Variants in VWA8 observed in about 807,000 individuals in gnomAD.
The protein encoded by VWA8 is von Willebrand factor A domain containing 8.
A neutral mutation model predicts 241.5 loss-of-function variants in VWA8; 221 were observed. The ratio of observed to expected loss-of-function variants is 0.91; its 90% confidence interval spans 0.82 to 1.02. VWA8 has a LOEUF of 1.02. Among genes scored for constraint, VWA8 ranks in the 50% least tolerant of loss-of-function variants. VWA8 has a pLI of 0.00. For synonymous variants in VWA8, 852 were observed against 827.1 expected, an observed-to-expected ratio of 1.03 and a Z score of -0.52; for missense variants, 2,322 against 2,328.7, an observed-to-expected ratio of 1.00 and a Z score of 0.06.
chr13:41,690,947 AT>A (rs1366886451), intron 32 of VWA8, among the ~76,000 whole-genome samples: 3 of 152,164 alleles, frequency 2.0e-5, no homozygotes, highest in African/African-American at 7.2e-5. Flanking sequence ...AACTCTGTGA[AT>A]TTACAAAGAG....
rs905806466 is a variant in VWA8 at position 41,819,100 on chromosome 13, T to C, written c.1869+118A>G. On this transcript the variant is annotated intron_variant, in intron 15 of 44. Transcript: ENST00000379310. ...ACCTTCACCACTGTATGAAGAAATT[T>C]GGGAGTAAATGGGAAGAAAAAACTA... The C allele has an allele frequency of 6.0e-6, 6 of 1,003,252 alleles. No homozygotes were observed. The African/African-American group carries it at 8.3e-5, about 14-fold the overall frequency. 62.1% of individuals were successfully genotyped at this position (1,003,252 alleles called of 1,614,324 possible). A position where few individuals can be genotyped will look rare whatever the true frequency, so the allele number is the denominator to read the frequency against.
At chr13:41,728,173 A>G (rs2045452184) in intron 23 of VWA8, among the ~76,000 whole-genome samples, 1 of 152,064 alleles carries the variant, frequency 6.6e-6, no homozygotes, top group Non-Finnish European at 1.5e-5. Context: ...GATACCAAAA[A>G]GTAATCTTTC....
chr13:41,873,476 A>G (rs1873741673), intron 9 of VWA8, among the ~76,000 whole-genome samples: 1 of 152,160 alleles, frequency 6.6e-6, no homozygotes. Flanking sequence ...AATCAAATAG[A>G]CACAATAAAA....
intron 12 of VWA8, among the ~76,000 whole-genome samples, chr13:41,858,647 T>C (rs1025067238): frequency 2.0e-5 from 3 of 151,458 alleles, no homozygotes; most frequent in Non-Finnish European, 2.9e-5. Context: ...AAAGAAGATA[T>C]GAGACAGAAG....
chr13:41,637,896 G>C (rs2044769676), intron 37 of VWA8, among the ~76,000 whole-genome samples: 1 of 152,162 alleles, frequency 6.6e-6, no homozygotes, highest in Non-Finnish European at 1.5e-5. Flanking sequence ...CAAAGAAGCA[G>C]TATCATGCAT....
intron 37 of VWA8, among the ~76,000 whole-genome samples, chr13:41,642,507 C>T (rs10400616): frequency 0.035 from 4,853 of 139,404 alleles, 270 homozygotes; most frequent in African/African-American, 0.12. Context: ...TACAGTGAGC[C>T]GAGATGGCGC....
intron 6 of VWA8, among the ~76,000 whole-genome samples, 174 bp downstream of exon 6, chr13:41,887,023 C>T (rs1021330767): frequency 6.6e-6 from 1 of 152,084 alleles, no homozygotes; most frequent in Non-Finnish European, 1.5e-5. Context: ...CAAATAATGC[C>T]ATAATAATTT....
At chr13:41,882,559 C>T (rs1446149065) in intron 9 of VWA8, among the ~76,000 whole-genome samples, 3 of 152,260 alleles carry the variant, frequency 2.0e-5, no homozygotes, top group Non-Finnish European at 2.9e-5. Context: ...CCCAGCACCC[C>T]GGGAGGCCAA....
intron 42 of VWA8, among the ~76,000 whole-genome samples, chr13:41,577,603 A>G (rs772581849): frequency 1.3e-5 from 2 of 152,208 alleles, no homozygotes; most frequent in East Asian, 3.9e-4. Context: ...GACTGATTTG[A>G]CAACGGTCAT....
intron 9 of VWA8, among the ~76,000 whole-genome samples, chr13:41,874,339 A>G (rs1873795422): frequency 6.6e-6 from 1 of 151,648 alleles, no homozygotes; most frequent in Non-Finnish European, 1.5e-5. Context: ...GGCCAGGGCA[A>G]TTAGGCAGGA....
At chr13:41,786,739 T>G (rs971639985) in intron 18 of VWA8, among the ~76,000 whole-genome samples, 2 of 152,124 alleles carry the variant, frequency 1.3e-5, no homozygotes, top group Admixed American at 6.6e-5. Flanking sequence ...TAAAAGCATC[T>G]GCTACAAAGA....
intron 40 of VWA8, among the ~76,000 whole-genome samples, chr13:41,597,999 C>T (rs1425269835): frequency 6.6e-6 from 1 of 152,056 alleles, no homozygotes; most frequent in Admixed American, 6.6e-5. Context: ...GCAGCAGCCT[C>T]CTAAATGGTC....
At chr13:41,826,613 T>C (rs544567404) in intron 14 of VWA8, among the ~76,000 whole-genome samples, 3 of 152,150 alleles carry the variant, frequency 2.0e-5, no homozygotes, top group East Asian at 3.9e-4. Flanking sequence ...CTCACACCTA[T>C]ATTGCCAGCA....
At chr13:41,584,060 G>C (rs1270925427) in intron 42 of VWA8, among the ~76,000 whole-genome samples, 5 of 152,106 alleles carry the variant, frequency 3.3e-5, no homozygotes, top group Admixed American at 3.3e-4. Context: ...GGTAGAGAGA[G>C]TACTGTAAAT....
intron 37 of VWA8, among the ~76,000 whole-genome samples, chr13:41,635,536 A>G (rs1304816069): frequency 6.6e-6 from 1 of 152,186 alleles, no homozygotes; most frequent in Non-Finnish European, 1.5e-5. Flanking sequence ...CCTGTAGTTT[A>G]TTTAACAAGC....
intron 38 of VWA8, among the ~76,000 whole-genome samples, 186 bp from the exon 39 acceptor site, chr13:41,611,918 C>T (rs1349135133): frequency 6.6e-6 from 1 of 152,284 alleles, no homozygotes; most frequent in South Asian, 2.1e-4. Context: ...TTTTCCCATC[C>T]ATTAAAATAC....
At position 41,575,915 on chromosome 13, in the gene VWA8, T is replaced by G; in HGVS notation, c.5272-77A>C. ...TCATTAGATCTTTAATGTTCAACTC[T>G]TTGGACCATTATTGTCCAAAGTTGC... On this transcript the variant is annotated intron_variant, in intron 42 of 44. Coordinates refer to ENST00000379310, the MANE Select transcript of VWA8 (RefSeq NM_015058.2). The G allele has an allele frequency of 2.7e-6, 3 of 1,096,698 alleles. No homozygotes were observed. In the South Asian group the frequency reaches 4.2e-5, roughly 15 times the overall value. 67.9% of individuals were successfully genotyped at this position (1,096,698 alleles called of 1,614,324 possible).
At chr13:41,681,552 T>C (rs1472457445) in intron 35 of VWA8, among the ~76,000 whole-genome samples, 6 of 152,312 alleles carry the variant, frequency 3.9e-5, no homozygotes, top group East Asian at 3.9e-4. Context: ...ACATTCAGAA[T>C]AGAGATTACC....
At chr13:41,884,388 G>T (rs1215451395) in intron 8 of VWA8, among the ~76,000 whole-genome samples, 1 of 152,040 alleles carries the variant, frequency 6.6e-6, no homozygotes, top group African/African-American at 2.4e-5. Flanking sequence ...GGACGTGTTT[G>T]CTTCCTCTTC....
Sources: gnomAD v4.1 joint callset for allele counts (sites outside exome capture counted in the v4.1 genomes callset) on GRCh38, gnomAD v4.1.1 for gene constraint, MANE v1.5 for transcripts, NCBI Gene and HGNC (gene_info 2026-07-23, HGNC 2026-07-21) for gene names.